MALRD1: variants seen among roughly 807,000 people sequenced by gnomAD.
The protein encoded by MALRD1 is MAM and LDL receptor class A domain containing 1.
Under a neutral mutation model 242.1 loss-of-function variants are expected in MALRD1, and 247 were observed. The observed-to-expected ratio is 1.02, with a 90% CI of 0.92 to 1.13. MALRD1 has a LOEUF of 1.13. MALRD1 is among the 50% of genes most tolerant of loss of function. MALRD1 has a pLI of 0.00. For synonymous variants in MALRD1, 995 were observed against 866.6 expected (o/e 1.15, Z -2.60); for missense variants, 2,989 against 2,533.1 (o/e 1.18, Z -3.86).
In MALRD1 at chr10:19,612,383, A is replaced by C. The variant is rs79872534; in HGVS notation, c.6071-3474A>C. Reference sequence around the variant, plus strand: ...GTAATTAGTTAAATAAGGAGGACTAAGGGAGGGCAAGATGGGAAATACATC... The same window carrying C: ...GTAATTAGTTAAATAAGGAGGACTACGGGAGGGCAAGATGGGAAATACATC... On this transcript the variant is annotated intron_variant, in intron 35 of 39. Coordinates refer to ENST00000454679, the MANE Select transcript of MALRD1 (RefSeq NM_001142308.3). Among the ~76,000 whole-genome samples the C allele has an allele frequency of 2.8e-3, 430 of 152,066 alleles. 2 individuals are homozygous for C. Among genetic ancestry groups the C allele is most frequent in the African/African-American group, 9.8e-3 (409 of 41,524 alleles).
intron 29 of MALRD1, among the ~76,000 whole-genome samples, chr10:19,455,939 T>C (rs1431480845): frequency 2.0e-5 from 3 of 152,164 alleles, no homozygotes; most frequent in Non-Finnish European, 4.4e-5. Flanking sequence ...TGTGTTCCCC[T>C]CCATGTTTTC....
intron 38 of MALRD1, among the ~76,000 whole-genome samples, chr10:19,727,756 G>A (rs547513128): frequency 8.1e-5 from 11 of 136,626 alleles, no homozygotes; most frequent in Non-Finnish European, 1.6e-4. Context: ...AATACAGTAA[G>A]TCAAACATTG....
intron 31 of MALRD1, among the ~76,000 whole-genome samples, chr10:19,509,951 G>GGAGGACCCA (rs1471252635): frequency 2.0e-5 from 3 of 152,090 alleles, no homozygotes; most frequent in East Asian, 1.9e-4. Flanking sequence ...CAGAGGATCC[G>GGAGGACCCA]CTCCAGCACC....
At chr10:19,706,294 G>GATTTTCATTTATTTT (rs1023002473) in intron 38 of MALRD1, among the ~76,000 whole-genome samples, 3 of 152,134 alleles carry the variant, frequency 2.0e-5, no homozygotes, top group Non-Finnish European at 4.4e-5. Context: ...TAACAAAAGA[G>GATTTTCATTTATTTT]ATTTTCATTT....
At chr10:19,305,817 GTATATACTA>G (rs1246772033) in intron 21 of MALRD1, among the ~76,000 whole-genome samples, 5 of 134,526 alleles carry the variant, frequency 3.7e-5, no homozygotes, top group South Asian at 4.5e-4. Context: ...TATCTATTAT[GTATATACTA>G]TATATACTAT....
intron 1 of MALRD1, chr10:19,052,090 C>A: frequency 2.3e-6 from 1 of 442,122 alleles, no homozygotes. Context: ...AGAGCCATGT[C>A]AGGGCTAGCA....
At chr10:19,359,286 T>C (rs775010865) in intron 26 of MALRD1, among the ~76,000 whole-genome samples, 2 of 152,296 alleles carry the variant, frequency 1.3e-5, no homozygotes, top group Admixed American at 1.3e-4. Context: ...ATGCCTCTTT[T>C]TGCTTTTGGT....
chr10:19,599,246 A>G (rs1838241985), intron 34 of MALRD1, among the ~76,000 whole-genome samples: 1 of 152,150 alleles, frequency 6.6e-6, no homozygotes, highest in Non-Finnish European at 1.5e-5. Flanking sequence ...AGACAGGGAA[A>G]TCGATAATAA....
intron 32 of MALRD1, among the ~76,000 whole-genome samples, chr10:19,549,998 C>T (rs1482784085): frequency 1.3e-5 from 2 of 152,280 alleles, no homozygotes; most frequent in South Asian, 2.1e-4. Flanking sequence ...CAATTTTGGA[C>T]ACTCCTTTAT....
At chr10:19,203,111 T>C (rs1836622327) in intron 14 of MALRD1, among the ~76,000 whole-genome samples, 7 of 152,224 alleles carry the variant, frequency 4.6e-5, no homozygotes, top group Admixed American at 4.6e-4. Flanking sequence ...TTTCTTTCTC[T>C]TCTTCCTTTT....
At chr10:19,488,039 T>C (rs189579541) in intron 29 of MALRD1, among the ~76,000 whole-genome samples, 1 of 152,304 alleles carries the variant, frequency 6.6e-6, no homozygotes, top group East Asian at 1.9e-4. Context: ...TCTGAACCTA[T>C]AATCACCTAT....
chr10:19,082,821 G>T (rs879558710), intron 2 of MALRD1, among the ~76,000 whole-genome samples: 1 of 151,950 alleles, frequency 6.6e-6, no homozygotes, highest in Non-Finnish European at 1.5e-5. Context: ...TCTCTTAGAT[G>T]TCACTGTCTT....
intron 20 of MALRD1, among the ~76,000 whole-genome samples, chr10:19,282,322 G>T (rs1157788802): frequency 6.6e-6 from 1 of 152,052 alleles, no homozygotes; most frequent in East Asian, 1.9e-4. Context: ...TTTCTAAATG[G>T]TCATAGTGGT....
intron 28 of MALRD1, among the ~76,000 whole-genome samples, chr10:19,394,456 G>C (rs185033584): frequency 1.1e-3 from 170 of 152,208 alleles, no homozygotes; most frequent in African/African-American, 3.9e-3. Flanking sequence ...TGTTCAAGAG[G>C]CTGTGGAAAA....
intron 7 of MALRD1, among the ~76,000 whole-genome samples, chr10:19,127,740 C>G (rs1837327512): frequency 6.6e-6 from 1 of 152,032 alleles, no homozygotes; most frequent in Non-Finnish European, 1.5e-5. Context: ...TCTCATACCT[C>G]TATGTGGCTT....
At chr10:19,437,084 G>A (rs528529318) in intron 28 of MALRD1, among the ~76,000 whole-genome samples, 21 of 75,344 alleles carry the variant, frequency 2.8e-4, no homozygotes, top group Admixed American at 1.4e-3. Flanking sequence ...TTAGCAAAAC[G>A]AGTGTGATTT....
chr10:19,500,792 A>G (rs1032732586), intron 31 of MALRD1, among the ~76,000 whole-genome samples: 1 of 152,206 alleles, frequency 6.6e-6, no homozygotes, highest in African/African-American at 2.4e-5. Context: ...ATGAATGCCT[A>G]TTATGTGATC....
intron 24 of MALRD1, among the ~76,000 whole-genome samples, chr10:19,332,820 G>T (rs1480516161): frequency 1.3e-5 from 2 of 152,112 alleles, no homozygotes; most frequent in African/African-American, 4.8e-5. Flanking sequence ...AGTGCCTTAG[G>T]TTTTGTCAAA....
intron 28 of MALRD1, among the ~76,000 whole-genome samples, chr10:19,441,954 C>T (rs894722794): frequency 1.3e-5 from 2 of 152,130 alleles, no homozygotes; most frequent in African/African-American, 2.4e-5. Context: ...ATTGATTCTT[C>T]CTATCCATGA....
Sources: gnomAD v4.1 joint callset for allele counts (sites outside exome capture counted in the v4.1 genomes callset) on GRCh38, gnomAD v4.1.1 for gene constraint, MANE v1.5 for transcripts, NCBI Gene and HGNC (gene_info 2026-07-23, HGNC 2026-07-21) for gene names.